The following SPIRE1 variants were observed in gnomAD, a reference collection of about 807,000 sequenced individuals.
SPIRE1 encodes protein spire homolog 1.
In SPIRE1, 40 loss-of-function variants were observed where a neutral mutation model predicts 94.1. The observed-to-expected ratio is 0.43, with a 90% CI of 0.33 to 0.55. The LOEUF (loss-of-function observed/expected upper bound fraction) is 0.55. Ranked by LOEUF, SPIRE1 falls within the 20% of genes least tolerant of loss-of-function variation. The pLI, the probability that SPIRE1 is intolerant of heterozygous loss-of-function variation, is 0.06. For missense variants in SPIRE1, 838 were observed against 975.2 expected (o/e 0.86, Z 1.87); for synonymous variants, 376 against 371.7 (o/e 1.01, Z -0.13).
At chr18:12,631,895 A>G (rs1262838416) in intron 2 of SPIRE1, among the ~76,000 whole-genome samples, 2 of 151,846 alleles carry the variant, frequency 1.3e-5, no homozygotes, top group South Asian at 2.1e-4. Context: ...AAAATAAAAA[A>G]CTGTCCAGGT....
chr18:12,469,605 T>C (rs1453722756), intron 10 of SPIRE1, among the ~76,000 whole-genome samples: 1 of 144,844 alleles, frequency 6.9e-6, no homozygotes, highest in Non-Finnish European at 1.5e-5. Context: ...TTTATATATT[T>C]ATTTATATTT....
chr18:12,648,868 CAAG>C (rs2038296056), intron 1 of SPIRE1, among the ~76,000 whole-genome samples: 1 of 92,196 alleles, frequency 1.1e-5, no homozygotes, highest in Admixed American at 1.9e-4. Flanking sequence ...CCAGCCTGGA[CAAG>C]AAGAGCGAAA....
At chr18:12,471,242 T>C (rs1056722068) in intron 10 of SPIRE1, among the ~76,000 whole-genome samples, 1 of 152,030 alleles carries the variant, frequency 6.6e-6, no homozygotes, top group African/African-American at 2.4e-5. Context: ...TCTAATTTTA[T>C]AGGGGATCTG....
intron 2 of SPIRE1, among the ~76,000 whole-genome samples, chr18:12,554,971 C>T (rs537167583): frequency 6.6e-6 from 1 of 152,168 alleles, no homozygotes; most frequent in South Asian, 2.1e-4. Context: ...ATCACTGCAC[C>T]TGGACAATGA....
At chr18:12,581,211 C>T (rs1265573318) in intron 2 of SPIRE1, among the ~76,000 whole-genome samples, 2 of 152,110 alleles carry the variant, frequency 1.3e-5, no homozygotes, top group Non-Finnish European at 2.9e-5. Flanking sequence ...ATCAAAAGAG[C>T]GCAAAGCAAT....
chr18:12,613,078 G>C (rs1567967301), intron 2 of SPIRE1, among the ~76,000 whole-genome samples: 1 of 152,188 alleles, frequency 6.6e-6, no homozygotes, highest in East Asian at 1.9e-4. Flanking sequence ...TGAGGGCTGA[G>C]ATTTTTATCT....
chr18:12,452,658 AC>A, intron 14 of SPIRE1, 146 bp from the exon 15 acceptor site: 1 of 806,000 alleles, frequency 1.2e-6, no homozygotes, highest in Non-Finnish European at 2.1e-6. Flanking sequence ...AAATTGACAC[AC>A]TGAATTGCCA....
intron 2 of SPIRE1, among the ~76,000 whole-genome samples, chr18:12,554,258 AC>A (rs2035436376): frequency 6.7e-6 from 1 of 149,268 alleles, no homozygotes; most frequent in African/African-American, 2.5e-5. Flanking sequence ...AGATTGCACC[AC>A]TGCACTCCAG....
At chr18:12,635,716 A>G (rs977664168) in intron 1 of SPIRE1, among the ~76,000 whole-genome samples, 4 of 152,238 alleles carry the variant, frequency 2.6e-5, no homozygotes, top group African/African-American at 9.6e-5. Context: ...ACATAATACC[A>G]AAGAACATGA....
chr18:12,546,531 G>A (rs2035174916), intron 3 of SPIRE1, 143 bp downstream of exon 3: 1 of 666,132 alleles, frequency 1.5e-6, no homozygotes, highest in Non-Finnish European at 2.6e-6. Flanking sequence ...TACTCATGAG[G>A]CAGAGGCTAC....
intron 1 of SPIRE1, among the ~76,000 whole-genome samples, chr18:12,655,555 A>ACTGAGAAAGAGCAGAAC (rs1400155548): frequency 6.6e-6 from 1 of 152,240 alleles, no homozygotes; most frequent in Non-Finnish European, 1.5e-5. Flanking sequence ...GAGAAAGAGA[A>ACTGAGAAAGAGCAGAAC]TTATAAACCT....
chr18:12,522,660 G>A (rs1399737311), intron 4 of SPIRE1, among the ~76,000 whole-genome samples: 1 of 152,188 alleles, frequency 6.6e-6, no homozygotes, highest in African/African-American at 2.4e-5. Flanking sequence ...CTTGTTAGGG[G>A]CTAATGTGGG....
At chr18:12,513,367 C>G (rs1329895877) in intron 4 of SPIRE1, among the ~76,000 whole-genome samples, 1 of 152,086 alleles carries the variant, frequency 6.6e-6, no homozygotes, top group Non-Finnish European at 1.5e-5. Flanking sequence ...GAGCTATGTG[C>G]CTGCCTGCAC....
intron 2 of SPIRE1, among the ~76,000 whole-genome samples, chr18:12,574,335 G>C (rs1338796453): frequency 6.6e-6 from 1 of 152,158 alleles, no homozygotes; most frequent in African/African-American, 2.4e-5. Flanking sequence ...GATCAAATAG[G>C]AGGCTACTGC....
chr18:12,530,566 G>A lies in SPIRE1; in HGVS notation c.729+4910C>T, dbSNP rs551428731. The stretch of plus-strand genomic sequence containing the variant: ...GGCTGGTCTCAAAACACCTGGTCTC[G>A]GCCTCTCAAAGTGCTGGGATTACAG... On this transcript the variant is annotated intron_variant, in intron 4 of 16. Coordinates refer to ENST00000409402, the MANE Select transcript of SPIRE1 (RefSeq NM_001128626.2). 2.6e-5 allele frequency among the ~76,000 whole-genome samples: 4 copies of A among 152,030 alleles called. No homozygotes were observed. In the South Asian group the frequency reaches 6.3e-4, roughly 24 times the overall value.
upstream of SPIRE1, chr18:12,661,983 T>C: frequency 3.9e-6 from 1 of 255,782 alleles, no homozygotes; most frequent in African/African-American, 2.2e-5. Context: ...TTTGTTACTT[T>C]ATTAAAAATT....
At chr18:12,641,157 A>T (rs1251659485) in intron 1 of SPIRE1, among the ~76,000 whole-genome samples, 1 of 152,204 alleles carries the variant, frequency 6.6e-6, no homozygotes, top group East Asian at 1.9e-4. Flanking sequence ...CATGTTTTCA[A>T]GAATAATATT....
intron 3 of SPIRE1, among the ~76,000 whole-genome samples, chr18:12,546,360 CAG>C (rs1415919172): frequency 6.6e-6 from 1 of 151,918 alleles, no homozygotes; most frequent in African/African-American, 2.4e-5. Context: ...AGCTTGGACA[CAG>C]TGGCTCATTT....
chr18:12,512,186 G>A (rs985580385), intron 5 of SPIRE1, among the ~76,000 whole-genome samples: 6 of 152,126 alleles, frequency 3.9e-5, no homozygotes, highest in African/African-American at 1.2e-4. Context: ...CCAACATGGT[G>A]AAACCCCGTC....
Sources: gnomAD v4.1 joint callset for allele counts (sites outside exome capture counted in the v4.1 genomes callset) on GRCh38, gnomAD v4.1.1 for gene constraint, MANE v1.5 for transcripts, NCBI Gene and HGNC (gene_info 2026-07-23, HGNC 2026-07-21) for gene names.